TG: variants seen among roughly 807,000 people sequenced by gnomAD.
TG encodes thyroglobulin, also known as thyroid hormones.
In TG, 270 loss-of-function variants were observed where a neutral mutation model predicts 324.7. That is an observed-to-expected ratio of 0.83 (90% CI 0.75 to 0.92). The LOEUF (loss-of-function observed/expected upper bound fraction) is 0.92. Ranked by LOEUF, TG falls within the 40% of genes least tolerant of loss-of-function variation. The pLI is 0.00. For missense variants in TG, 3,591 were observed against 3,456.4 expected (o/e 1.04, Z -0.98); for synonymous variants, 1,401 against 1,327.0 (o/e 1.06, Z -1.21).
At chr8:133,012,183 G>T in intron 36 of TG, 148 bp downstream of exon 36, 1 of 1,217,718 alleles carries the variant, frequency 8.2e-7, no homozygotes, top group Non-Finnish European at 1.2e-6. Context: ...GAAGACCTGG[G>T]TGAAGTCTCC....
chr8:132,893,789 G>A lies in TG; in HGVS notation c.2861G>A (p.Gly954Glu). The A allele has an allele frequency of 6.2e-7, 1 of 1,613,980 alleles. No homozygotes were observed. Among genetic ancestry groups the A allele is most frequent in the African/African-American group, 1.3e-5 (1 of 74,988 alleles). The change falls in exon 11 of 48, where the codon GGG (glycine) becomes GAG (glutamate). Residue 954 changes from glycine to glutamate, a missense_variant. Gly to Glu is a moderately conservative substitution (Grantham distance 98). Transcript: ENST00000220616. ...TCCAACAGTTCTCGGTTCCCTCTGG[G>A]GGAGAGTTTCCTGGTGGCCAAGGGA... ...SASNSSRFPLGESFLVAKGIR... is the reference protein window; with the variant it reads ...SASNSSRFPLEESFLVAKGIR...
intron 40 of TG, among the ~76,000 whole-genome samples, chr8:133,023,816 A>T (rs747372349): frequency 2.0e-5 from 3 of 152,120 alleles, no homozygotes; most frequent in Non-Finnish European, 4.4e-5. Context: ...ACAGAGTGTA[A>T]TCTTGTTGAG....
chr8:133,004,980 C>T (rs773991374), intron 35 of TG, among the ~76,000 whole-genome samples: 1 of 151,830 alleles, frequency 6.6e-6, no homozygotes, highest in African/African-American at 2.4e-5. Context: ...TGGGAGGAGG[C>T]GATAAGGATG....
chr8:133,060,394 T>A, intron 41 of TG: 1 of 1,517,954 alleles, frequency 6.6e-7, no homozygotes, highest in Non-Finnish European at 8.8e-7. Flanking sequence ...ATCAAGGGAA[T>A]GACAGAAAAA....
intron 29 of TG, chr8:132,965,045 A>T: frequency 1.5e-6 from 1 of 661,434 alleles, no homozygotes; most frequent in Admixed American, 2.3e-5. Context: ...TGCTTTCTTG[A>T]GGGGCAATCT....
chr8:133,072,431 GGGATAGAT>G (rs56842827), intron 41 of TG, among the ~76,000 whole-genome samples: 22 of 152,300 alleles, frequency 1.4e-4, no homozygotes, highest in African/African-American at 2.6e-4. Context: ...CAGGAAGAGA[GGGATAGAT>G]GGATAGATGG....
At chr8:133,030,280 C>A (rs889172344) in intron 41 of TG, among the ~76,000 whole-genome samples, 1 of 152,104 alleles carries the variant, frequency 6.6e-6, no homozygotes, top group Non-Finnish European at 1.5e-5. Flanking sequence ...GAGAGTGGTT[C>A]ATTAGGATTT....
Position 133,133,491 on chromosome 8 carries a change from G to A in TG, c.8019G>A (p.Glu2673=). ...IRSGNPNYPY[E]FSRKVPTFAT... Reference sequence around the variant, plus strand: ...CCAGAAATCCCAACTACCCTTATGAGTTCTCACGGAAAGTACCCACATTTG... The same window carrying A: ...CCAGAAATCCCAACTACCCTTATGAATTCTCACGGAAAGTACCCACATTTG... Residue 2673 remains glutamate (E), a synonymous_variant, in exon 47 of 48, where the codon GAG becomes GAA. Transcript: ENST00000220616. The A allele has an allele frequency of 6.2e-7, 1 of 1,614,188 alleles. No individual in the cohort carries two copies. The highest frequency in any genetic ancestry group is 1.1e-5 in the South Asian group (1 of 91,088).
At chr8:133,062,444 C>A (rs908831076) in intron 41 of TG, among the ~76,000 whole-genome samples, 1 of 152,262 alleles carries the variant, frequency 6.6e-6, no homozygotes, top group Non-Finnish European at 1.5e-5. Flanking sequence ...ACATTCCCCG[C>A]AGTTCAGCAG....
In TG at chr8:133,119,196, C is replaced by T. The variant is rs2958685; in HGVS notation, c.7862+2480C>T. On this transcript the variant is annotated intron_variant, in intron 45 of 47. Transcript: ENST00000220616. ...TTTGCTACAGCAGCTGCAGGAAACT[C>T]ATGCAGTCCCCAAAGTGCTCTCATT... Among the ~76,000 whole-genome samples the T allele has an allele frequency of 1.1e-3, 161 of 152,306 alleles. 6 individuals carry two copies. The South Asian group carries it at 0.032, about 30-fold the overall frequency.
intron 1 of TG, 56 bp from the exon 2 acceptor site, chr8:132,868,059 C>T: frequency 6.7e-7 from 1 of 1,497,874 alleles, no homozygotes; most frequent in East Asian, 2.3e-5. Flanking sequence ...GAGCCCGTCT[C>T]TGTCCTGGCA....
intron 26 of TG, among the ~76,000 whole-genome samples, chr8:132,942,742 T>TAGAGAC: frequency 6.6e-6 from 1 of 152,144 alleles, no homozygotes; most frequent in South Asian, 2.1e-4. Flanking sequence ...CCTGATGAGG[T>TAGAGAC]AGAGACGTAG....
intron 30 of TG, among the ~76,000 whole-genome samples, 166 bp downstream of exon 30, chr8:132,966,863 A>G (rs547348734): frequency 6.6e-6 from 1 of 152,300 alleles, no homozygotes; most frequent in African/African-American, 2.4e-5. Flanking sequence ...CATATCTTCA[A>G]GAAGGTTACA....
chr8:132,964,648 AATGGCTT>A (rs1459345745), intron 29 of TG: 1 of 475,880 alleles, frequency 2.1e-6, no homozygotes, highest in Non-Finnish European at 3.7e-6. Context: ...AGAAATAGGA[AATGGCTT>A]AATCTAATAC....
At position 132,893,931 on chromosome 8, in the gene TG, T is replaced by C; in HGVS notation, c.3001+2T>C. 1.2e-6 allele frequency: 2 copies of C among 1,614,034 alleles called. No individual in the cohort carries two copies. Among genetic ancestry groups the C allele is most frequent in the Non-Finnish European group, 1.7e-6 (2 of 1,179,954 alleles). On this transcript the variant is annotated splice_donor_variant, in intron 11 of 47. Transcript: ENST00000220616. LOFTEE classifies it high-confidence loss of function. ...CCATTCGCCTGGCGGCTCAGTCTAG[T>C]GAGTGTGGTGCCCTTCAGCTTTCTT...
At chr8:133,009,045 G>A (rs902151116) in intron 35 of TG, among the ~76,000 whole-genome samples, 1 of 152,186 alleles carries the variant, frequency 6.6e-6, no homozygotes, top group Non-Finnish European at 1.5e-5. Context: ...GGGAATGGCA[G>A]GACTTGGCTC....
chr8:132,923,716 T>G (rs557187167), intron 22 of TG, among the ~76,000 whole-genome samples: 1 of 152,330 alleles, frequency 6.6e-6, no homozygotes, highest in South Asian at 2.1e-4. Flanking sequence ...CACTCTCTCT[T>G]TTTTGGAATC....
chr8:132,891,371 G>A (rs534761057), intron 10 of TG, among the ~76,000 whole-genome samples: 1 of 152,322 alleles, frequency 6.6e-6, no homozygotes, highest in East Asian at 1.9e-4. Flanking sequence ...GTCTTGCTCT[G>A]TTGCCTATGT....
At chr8:133,057,522 G>GT (rs1841663864) in intron 41 of TG, among the ~76,000 whole-genome samples, 1 of 152,068 alleles carries the variant, frequency 6.6e-6, no homozygotes, top group African/African-American at 2.4e-5. Flanking sequence ...CTTCTTTGCT[G>GT]GTGCCTGCCC....
Sources: allele counts gnomAD v4.1 joint callset (sites outside exome capture counted in the v4.1 genomes callset), GRCh38; gene constraint gnomAD v4.1.1; transcripts MANE v1.5; gene names NCBI Gene and HGNC (gene_info 2026-07-23, HGNC 2026-07-21).